FRMD5: variants seen among roughly 807,000 people sequenced by gnomAD.
FRMD5 encodes FERM domain-containing protein 5.
In FRMD5, 20 loss-of-function variants were observed where a neutral mutation model predicts 69.0. That is an observed-to-expected ratio of 0.29 (90% CI 0.20 to 0.42). FRMD5 has a LOEUF of 0.42. Among genes scored for constraint, FRMD5 ranks in the 10% least tolerant of loss-of-function variants. The pLI, the probability that FRMD5 is intolerant of heterozygous loss-of-function variation, is 1.00. For missense variants in FRMD5, 595 were observed against 708.6 expected (o/e 0.84, Z 1.82); for synonymous variants, 271 against 260.1 (o/e 1.04, Z -0.40).
chr15:43,877,150 A>T (rs1444084078), intron 13 of FRMD5, among the ~76,000 whole-genome samples: 1 of 152,116 alleles, frequency 6.6e-6, no homozygotes, highest in East Asian at 1.9e-4. Flanking sequence ...CATCTTGGTG[A>T]TGCTGGTGTG....
intron 1 of FRMD5, among the ~76,000 whole-genome samples, chr15:44,016,900 C>A (rs564437939): frequency 6.6e-6 from 1 of 151,866 alleles, no homozygotes; most frequent in African/African-American, 2.4e-5. Context: ...AGTGATAAGC[C>A]TCCCGAGTAG....
chr15:43,945,030 G>T (rs1484168981), intron 1 of FRMD5, among the ~76,000 whole-genome samples: 5 of 150,002 alleles, frequency 3.3e-5, no homozygotes, highest in Non-Finnish European at 7.4e-5. Context: ...CACGTGATCT[G>T]CCCACCTTAG....
intron 10 of FRMD5, among the ~76,000 whole-genome samples, chr15:43,886,100 C>T (rs1002375786): frequency 6.6e-6 from 1 of 152,332 alleles, no homozygotes; most frequent in South Asian, 2.1e-4. Context: ...ATCTCAGCCA[C>T]GTCACTTATT....
chr15:43,875,583 T>C (rs540501986), intron 13 of FRMD5, among the ~76,000 whole-genome samples: 3 of 151,182 alleles, frequency 2.0e-5, no homozygotes, highest in East Asian at 3.9e-4. Flanking sequence ...GTTCCAGCGA[T>C]TCTTGTGTCT....
chr15:43,908,786 C>T (rs1180940872), intron 5 of FRMD5, among the ~76,000 whole-genome samples: 1 of 152,180 alleles, frequency 6.6e-6, no homozygotes, highest in Non-Finnish European at 1.5e-5. Flanking sequence ...TAAGCCTCAA[C>T]TCTTACTTAT....
At chr15:44,086,624 G>A (rs115126190) in intron 1 of FRMD5, among the ~76,000 whole-genome samples, 21 of 152,302 alleles carry the variant, frequency 1.4e-4, no homozygotes, top group African/African-American at 5.1e-4. Context: ...TGGAACTAGT[G>A]AGTGATGAGG....
chr15:44,141,959 ATCTAC>A (rs745873595), intron 1 of FRMD5, among the ~76,000 whole-genome samples: 1 of 152,146 alleles, frequency 6.6e-6, no homozygotes, highest in Non-Finnish European at 1.5e-5. Flanking sequence ...TTATTCTTAC[ATCTAC>A]TCATTGCTGT....
chr15:43,919,867 T>A, intron 2 of FRMD5, 58 bp from the exon 3 acceptor site: 2 of 1,495,274 alleles, frequency 1.3e-6, no homozygotes, highest in Non-Finnish European at 1.9e-6. Flanking sequence ...AAAATATAAC[T>A]TGTTTTCTCC....
intron 1 of FRMD5, among the ~76,000 whole-genome samples, chr15:43,975,256 T>A (rs1200428319): frequency 1.3e-5 from 2 of 152,120 alleles, no homozygotes; most frequent in African/African-American, 4.8e-5. Flanking sequence ...GAGATAAAAC[T>A]AACAAGGAAT....
At chr15:43,881,780 T>C (rs2088536884) in intron 13 of FRMD5, among the ~76,000 whole-genome samples, 1 of 152,216 alleles carries the variant, frequency 6.6e-6, no homozygotes, top group African/African-American at 2.4e-5. Flanking sequence ...GCCGGGGTTC[T>C]CAACCTCTAG....
intron 1 of FRMD5, among the ~76,000 whole-genome samples, chr15:44,116,601 C>T (rs1373189681): frequency 6.6e-6 from 1 of 152,016 alleles, no homozygotes; most frequent in African/African-American, 2.4e-5. Flanking sequence ...AAACAAGGAA[C>T]CGGTTGTCTG....
Position 43,873,304 on chromosome 15 carries a change from A to G in FRMD5, c.*581T>C, listed in dbSNP as rs1473181425. 1 of 1,518,368 alleles carries G rather than the reference A, an allele frequency of 6.6e-7. No individual in the cohort carries two copies. The highest frequency in any genetic ancestry group is 8.8e-7 in the Non-Finnish European group (1 of 1,137,242). 94.1% of individuals were successfully genotyped at this position (1,518,368 alleles called of 1,614,324 possible). A position where few individuals can be genotyped will look rare whatever the true frequency, so the allele number is the denominator to read the frequency against. Reference sequence around the variant, plus strand: ...AAGCAACTTTCCATTTAATCATTCTACATGGATGTTTACTTTTTTAAAAGT... The same window carrying G: ...AAGCAACTTTCCATTTAATCATTCTGCATGGATGTTTACTTTTTTAAAAGT... On this transcript the variant is annotated 3_prime_UTR_variant, in exon 14 of 14. Transcript: ENST00000417257.
intron 1 of FRMD5, among the ~76,000 whole-genome samples, chr15:43,974,472 T>C (rs2090434345): frequency 6.6e-6 from 1 of 152,208 alleles, no homozygotes; most frequent in Non-Finnish European, 1.5e-5. Flanking sequence ...TTGCTTTTTA[T>C]GCCTTAGGAT....
Position 43,883,824 on chromosome 15 carries a change from A to G in FRMD5, c.1029-15T>C, listed in dbSNP as rs771210261. On this transcript the variant is annotated splice_polypyrimidine_tract_variant and intron_variant, in intron 12 of 13. Coordinates refer to ENST00000417257, the MANE Select transcript of FRMD5 (RefSeq NM_032892.5). ...CCATCCCTGCTCTGAGGTTAAAGAAAAAGAACCTTGTTAATTCAGTGCATG... is the reference window on the plus strand; with the variant it reads ...CCATCCCTGCTCTGAGGTTAAAGAAGAAGAACCTTGTTAATTCAGTGCATG... 6.9e-6 allele frequency: 11 copies of G among 1,599,956 alleles called. No individual in the cohort carries two copies. Among genetic ancestry groups the G allele is most frequent in the Admixed American group, 3.3e-5 (2 of 59,972 alleles).
chr15:43,873,627 A>G lies in FRMD5; in HGVS notation c.*258T>C. On this transcript the variant is annotated 3_prime_UTR_variant, in exon 14 of 14. Transcript: ENST00000417257. ...AACCAAAAATTATCCTGCAAATTGG[A>G]AAGATGAGAAACAGAGTCGCTGAGC... 6.8e-7 allele frequency: 1 copy of G among 1,471,434 alleles called. No individual in the cohort carries two copies. Among genetic ancestry groups the G allele is most frequent in the East Asian group, 2.6e-5 (1 of 37,738 alleles). 91.1% of individuals were successfully genotyped at this position (1,471,434 alleles called of 1,614,324 possible).
At chr15:44,008,936 G>T (rs944466733) in intron 1 of FRMD5, among the ~76,000 whole-genome samples, 1 of 152,184 alleles carries the variant, frequency 6.6e-6, no homozygotes, top group East Asian at 1.9e-4. Context: ...TGAGGCAGGA[G>T]AATGGCATGA....
intron 1 of FRMD5, among the ~76,000 whole-genome samples, chr15:43,955,862 T>A (rs933604556): frequency 6.6e-6 from 1 of 152,052 alleles, no homozygotes; most frequent in Non-Finnish European, 1.5e-5. Flanking sequence ...AGAACCAAAA[T>A]GTTTTCAGAG....
At chr15:44,153,924 C>T (rs765271143) in intron 1 of FRMD5, among the ~76,000 whole-genome samples, 3 of 151,760 alleles carry the variant, frequency 2.0e-5, no homozygotes, top group East Asian at 1.9e-4. Context: ...GCCAAGATGG[C>T]GCCACTGCAC....
At chr15:44,069,122 T>C (rs990770028) in intron 1 of FRMD5, among the ~76,000 whole-genome samples, 1 of 152,130 alleles carries the variant, frequency 6.6e-6, no homozygotes, top group Admixed American at 6.5e-5. Context: ...CTTAAAACCA[T>C]GAAATATCAC....
Sources: allele counts gnomAD v4.1 joint callset (sites outside exome capture counted in the v4.1 genomes callset), GRCh38; gene constraint gnomAD v4.1.1; transcripts MANE v1.5; gene names NCBI Gene and HGNC (gene_info 2026-07-23, HGNC 2026-07-21).